Variants in CAST observed in about 807,000 individuals in gnomAD.
The protein encoded by CAST is calpastatin.
CAST carries 76 observed loss-of-function variants against 119.6 expected under a neutral mutation model. That is an observed-to-expected ratio of 0.64 (90% confidence interval 0.53 to 0.77). The LOEUF (loss-of-function observed/expected upper bound fraction) is 0.77. CAST is among the 30% of genes least tolerant of loss of function. The pLI is 0.00. For synonymous variants in CAST, 319 were observed against 331.6 expected, an observed-to-expected ratio of 0.96 and a Z score of 0.41; for missense variants, 953 against 946.5, an observed-to-expected ratio of 1.01 and a Z score of -0.09.
At chr5:96,083,270 AAG>A in the CAST span, among the ~76,000 whole-genome samples, 341 of 152,386 alleles carry the variant, frequency 2.2e-3, 1 homozygote, top group Middle Eastern at 0.031. Flanking sequence ...AAATACCAAA[AAG>A]AGAATAAAAA....
intron 1 of CAST, among the ~76,000 whole-genome samples, chr5:96,623,280 A>C (rs1747657277): frequency 6.6e-6 from 1 of 152,180 alleles, no homozygotes; most frequent in East Asian, 1.9e-4. Flanking sequence ...CATGAGTTCA[A>C]AAGCAACCTG....
At chr5:96,702,780 C>T in intron 3 of CAST, 2 of 985,456 alleles carry the variant, frequency 2.0e-6, no homozygotes, top group East Asian at 1.1e-4. Flanking sequence ...GTCGCCTTCC[C>T]GGGACCGCCC....
the CAST span, among the ~76,000 whole-genome samples, chr5:96,225,216 CT>C: frequency 6.6e-6 from 1 of 152,158 alleles, no homozygotes; most frequent in South Asian, 2.1e-4. Context: ...GACTTTGTTG[CT>C]ATTTGTTTTT....
At chr5:96,009,457 A>G in the CAST span, among the ~76,000 whole-genome samples, 1 of 152,102 alleles carries the variant, frequency 6.6e-6, no homozygotes. Context: ...CCTCACCATC[A>G]TCTGTTATTT....
intron 1 of CAST, among the ~76,000 whole-genome samples, chr5:96,643,023 C>T (rs533147156): frequency 5.6e-4 from 59 of 105,998 alleles, no homozygotes; most frequent in Non-Finnish European, 8.6e-4. Flanking sequence ...TGCTAAGGGA[C>T]AGCATTAGCA....
At chr5:96,617,513 G>A (rs1157650018) in intron 1 of CAST, among the ~76,000 whole-genome samples, 1 of 152,012 alleles carries the variant, frequency 6.6e-6, no homozygotes, top group African/African-American at 2.4e-5. Flanking sequence ...TAGGAGGCCG[G>A]GCACGGTGGC....
the CAST span, among the ~76,000 whole-genome samples, chr5:96,420,890 T>C: frequency 1.3e-5 from 2 of 152,156 alleles, no homozygotes; most frequent in East Asian, 1.9e-4. Context: ...AAGCGCTTCA[T>C]GTGACATATA....
At chr5:96,462,839 T>C in the CAST span, among the ~76,000 whole-genome samples, 2 of 152,112 alleles carry the variant, frequency 1.3e-5, no homozygotes, top group Non-Finnish European at 2.9e-5. Flanking sequence ...CACTACCTGA[T>C]GGTTTTATAA....
chr5:96,215,614 G>C, the CAST span: 2 of 151,982 alleles, frequency 1.3e-5, no homozygotes, highest in African/African-American at 4.8e-5. Flanking sequence ...TTGCAAATAT[G>C]CCTGTCTCTC....
chr5:96,564,248 A>G (rs540787388), intron 1 of CAST, among the ~76,000 whole-genome samples: 1 of 152,368 alleles, frequency 6.6e-6, no homozygotes, highest in East Asian at 1.9e-4. Context: ...AGGATCACAG[A>G]GAACTTATGT....
chr5:95,981,841 C>T, the CAST span, among the ~76,000 whole-genome samples: 1 of 152,188 alleles, frequency 6.6e-6, no homozygotes, highest in South Asian at 2.1e-4. Context: ...CACCACTGCA[C>T]TCCAGCCTGG....
intron 11 of CAST, among the ~76,000 whole-genome samples, chr5:96,739,161 C>G (rs1762212904): frequency 6.6e-6 from 1 of 152,132 alleles, no homozygotes; most frequent in East Asian, 1.9e-4. Context: ...TTGCATTTAT[C>G]AGATTAGCAA....
the CAST span, among the ~76,000 whole-genome samples, chr5:95,994,053 T>G: frequency 6.6e-6 from 1 of 152,150 alleles, no homozygotes; most frequent in African/African-American, 2.4e-5. Flanking sequence ...CAACTGGAAC[T>G]TCCTACTTTG....
chr5:95,992,834 T>C, the CAST span, among the ~76,000 whole-genome samples: 10 of 152,132 alleles, frequency 6.6e-5, no homozygotes, highest in Non-Finnish European at 1.2e-4. Flanking sequence ...TCTAAAATTA[T>C]TCCAAAATAA....
the CAST span, among the ~76,000 whole-genome samples, chr5:96,375,243 T>C: frequency 2.6e-5 from 4 of 152,164 alleles, no homozygotes; most frequent in African/African-American, 9.7e-5. Context: ...TGTCTTCAAA[T>C]ATGGAAGTTG....
chr5:96,223,980 G>A, the CAST span, among the ~76,000 whole-genome samples: 1 of 152,118 alleles, frequency 6.6e-6, no homozygotes, highest in Non-Finnish European at 1.5e-5. Flanking sequence ...ATTGGTCTCG[G>A]CAGAGTGGAT....
At chr5:96,461,394 T>C in the CAST span, among the ~76,000 whole-genome samples, 1 of 152,162 alleles carries the variant, frequency 6.6e-6, no homozygotes, top group Non-Finnish European at 1.5e-5. Context: ...TGTCGGATCA[T>C]ATAGCACCTC....
chr5:96,204,337 A>G, the CAST span, among the ~76,000 whole-genome samples: 1 of 151,994 alleles, frequency 6.6e-6, no homozygotes, highest in African/African-American at 2.4e-5. Context: ...AAGCTACCAC[A>G]CAGCTATCTC....
chr5:96,754,698 A>G lies in CAST; in HGVS notation c.1667A>G (p.Lys556Arg). 1 of 1,610,408 alleles carries G rather than the reference A, an allele frequency of 6.2e-7. No homozygotes were observed. The highest frequency in any genetic ancestry group is 1.3e-5 in the African/African-American group (1 of 74,948). ...KEEDREKLGE[K>R]EETIPPDYRL... is the part of the protein sequence containing the mutation. ...GAAGACCGTGAAAAGCTTGGTGAAA[A>G]AGAAGAAACAATTCCTCCTGATTAT... The change falls in exon 22 of 32, where the codon AAA becomes AGA. Residue 556 changes from lysine to arginine, a missense_variant. Lys to Arg is a conservative substitution (Grantham distance 26, BLOSUM62 2). Transcript: ENST00000675179.
Sources: allele counts gnomAD v4.1 joint callset (sites outside exome capture counted in the v4.1 genomes callset), GRCh38; gene constraint gnomAD v4.1.1; transcripts MANE v1.5; gene names NCBI Gene and HGNC (gene_info 2026-07-23, HGNC 2026-07-21).